The following DMD variants were observed in gnomAD, a reference collection of about 807,000 sequenced individuals.
DMD encodes the protein dystrophin, also known as mutant dystrophin.
In DMD, 63 loss-of-function variants were observed where a neutral mutation model predicts 330.1. The observed-to-expected ratio is 0.19, with a 90% CI of 0.16 to 0.24. DMD has a LOEUF of 0.24. DMD is among the 10% of genes least tolerant of loss of function. The probability of loss-of-function intolerance (pLI) is 1.00; values close to 1 mark genes in which losing one functional copy is unlikely to be tolerated. For missense variants in DMD, 3,344 were observed against 2,684.1 expected (o/e 1.25, Z -5.43); for synonymous variants, 1,223 against 959.8 (o/e 1.27, Z -5.07).
chrX:32,133,695 CT>C (rs2096710831), intron 44 of DMD, among the ~76,000 whole-genome samples: 1 of 111,418 alleles, frequency 9.0e-6, no homozygotes, highest in African/African-American at 3.3e-5. Flanking sequence ...TCCCATGCCC[CT>C]TATCCAATTC....
intron 1 of DMD, among the ~76,000 whole-genome samples, chrX:33,146,386 A>T: frequency 8.9e-6 from 1 of 111,931 alleles, no homozygotes; most frequent in East Asian, 2.8e-4. Flanking sequence ...TTAAATTTTT[A>T]TAAGTTGAAG....
At chrX:32,835,532 C>T (rs753070293) in intron 4 of DMD, among the ~76,000 whole-genome samples, 1 of 112,573 alleles carries the variant, frequency 8.9e-6, no homozygotes, top group African/African-American at 3.2e-5. Context: ...AGTGGCTTTC[C>T]AAAATACATT....
At chrX:32,800,955 G>A (rs1188053782) in intron 7 of DMD, among the ~76,000 whole-genome samples, 1 of 111,325 alleles carries the variant, frequency 9.0e-6, no homozygotes, top group Non-Finnish European at 1.9e-5. Flanking sequence ...TATCATTGAT[G>A]GGCATTTGGG....
At chrX:32,705,927 G>A (rs1042434365) in intron 7 of DMD, among the ~76,000 whole-genome samples, 39 of 109,933 alleles carry the variant, frequency 3.5e-4, no homozygotes, top group African/African-American at 1.2e-3. Flanking sequence ...ACATGCACAC[G>A]TATGTTTACT....
intron 2 of DMD, among the ~76,000 whole-genome samples, chrX:32,971,455 GA>G (rs200131382): frequency 0.013 from 1,453 of 110,814 alleles, 21 homozygotes; most frequent in African/African-American, 0.045. Flanking sequence ...AAATTTCAGG[GA>G]AAAAAACCCT....
At chrX:31,560,737 C>G (rs774574569) in intron 55 of DMD, among the ~76,000 whole-genome samples, 1 of 110,826 alleles carries the variant, frequency 9.0e-6, no homozygotes, top group South Asian at 3.8e-4. Context: ...AGAATGAAGA[C>G]CTATATGATG....
chrX:32,766,640 A>C (rs2073022568), intron 7 of DMD, among the ~76,000 whole-genome samples: 1 of 111,214 alleles, frequency 9.0e-6, no homozygotes, highest in African/African-American at 3.3e-5. Context: ...ATCATCTGAG[A>C]AGCTTATAAA....
At chrX:32,324,129 C>T (rs1448912813) in intron 41 of DMD, among the ~76,000 whole-genome samples, 1 of 110,345 alleles carries the variant, frequency 9.1e-6, no homozygotes, top group East Asian at 2.9e-4. Context: ...TCTCAAAATA[C>T]CTAGAAGAGA....
At chrX:33,319,209 C>T (rs2053978510) in intron 1 of DMD, among the ~76,000 whole-genome samples, 1 of 111,001 alleles carries the variant, frequency 9.0e-6, no homozygotes, top group African/African-American at 3.3e-5. Context: ...GTTGTTTCTA[C>T]GCCACCCAGT....
intron 44 of DMD, among the ~76,000 whole-genome samples, chrX:32,028,393 A>T (rs1295667465): frequency 2.7e-5 from 3 of 111,372 alleles, no homozygotes; most frequent in African/African-American, 9.8e-5. Context: ...GAATCACGGA[A>T]TGGATGAGGA....
At chrX:31,579,867 T>A (rs2076264278) in intron 55 of DMD, among the ~76,000 whole-genome samples, 1 of 112,172 alleles carries the variant, frequency 8.9e-6, no homozygotes, top group Non-Finnish European at 1.9e-5. Flanking sequence ...GTTTCATGGA[T>A]TAAAATGAAA....
chrX:32,386,573 A>C, intron 32 of DMD, 108 bp from the exon 33 acceptor site: 1 of 712,661 alleles, frequency 1.4e-6, no homozygotes, highest in African/African-American at 2.1e-5. Context: ...TCCATGTTTG[A>C]AATTTTAATA....
intron 7 of DMD, among the ~76,000 whole-genome samples, chrX:32,706,605 G>A (rs1042832536): frequency 9.1e-6 from 1 of 110,473 alleles, no homozygotes; most frequent in Non-Finnish European, 1.9e-5. Context: ...AAAAAACAGT[G>A]GCTCAAAATG....
chrX:32,892,872 G>T (rs1450604291), intron 2 of DMD, among the ~76,000 whole-genome samples: 1 of 112,000 alleles, frequency 8.9e-6, no homozygotes, highest in Non-Finnish European at 1.9e-5. Flanking sequence ...TAAAGGAATG[G>T]GAAGAGTTAC....
chrX:33,120,339 C>A (rs180712091), intron 1 of DMD, among the ~76,000 whole-genome samples: 1 of 111,461 alleles, frequency 9.0e-6, no homozygotes, highest in East Asian at 2.9e-4. Context: ...GAGGAACATG[C>A]CTCAGAATTA....
At chrX:31,803,635 C>CCTCT (rs2092167594) in intron 50 of DMD, among the ~76,000 whole-genome samples, 2 of 91,771 alleles carry the variant, frequency 2.2e-5, no homozygotes, top group African/African-American at 8.0e-5. Flanking sequence ...TCCCTCCCTC[C>CCTCT]CTTCCTTCCT....
intron 53 of DMD, among the ~76,000 whole-genome samples, chrX:31,660,877 GT>G (rs1864237245): frequency 9.0e-6 from 1 of 111,273 alleles, no homozygotes; most frequent in Non-Finnish European, 1.9e-5. Flanking sequence ...ATTTTATGCA[GT>G]TTTTGTATAT....
At chrX:31,647,438 A>G (rs886417228) in intron 54 of DMD, among the ~76,000 whole-genome samples, 8 of 112,199 alleles carry the variant, frequency 7.1e-5, no homozygotes, top group Non-Finnish European at 1.3e-4. Context: ...AACACATTTC[A>G]ACAAAACATA....
intron 1 of DMD, among the ~76,000 whole-genome samples, chrX:33,026,033 C>T (rs1385396673): frequency 1.3e-4 from 14 of 110,603 alleles, no homozygotes; most frequent in African/African-American, 4.3e-4. Flanking sequence ...GAGTTAATTT[C>T]ACTTAAAGAA....
Sources: gnomAD v4.1 joint callset for allele counts (sites outside exome capture counted in the v4.1 genomes callset) on GRCh38, gnomAD v4.1.1 for gene constraint, MANE v1.5 for transcripts, NCBI Gene and HGNC (gene_info 2026-07-23, HGNC 2026-07-21) for gene names.